BLTP1: variants seen among roughly 807,000 people sequenced by gnomAD.
BLTP1 encodes fragile site-associated protein.
chr4:122,329,666 A>T, the BLTP1 span, among the ~76,000 whole-genome samples: 1 of 151,626 alleles, frequency 6.6e-6, no homozygotes, highest in African/African-American at 2.4e-5. Flanking sequence ...TTTTATTGAG[A>T]TATAATTTAC....
the BLTP1 span, chr4:122,164,501 A>G: frequency 1.3e-6 from 1 of 788,426 alleles, no homozygotes; most frequent in Non-Finnish European, 1.5e-6. Context: ...CACAGAAGTG[A>G]GACTGTGTTC....
At chr4:122,275,383 A>G in the BLTP1 span, among the ~76,000 whole-genome samples, 1 of 152,120 alleles carries the variant, frequency 6.6e-6, no homozygotes, top group Admixed American at 6.5e-5. Context: ...CAGTAAGAAG[A>G]GATGCCTGAA....
At chr4:122,220,861 A>T in the BLTP1 span, among the ~76,000 whole-genome samples, 1 of 152,192 alleles carries the variant, frequency 6.6e-6, no homozygotes, top group Non-Finnish European at 1.5e-5. Context: ...GTGTATCTAC[A>T]TGATCAATGA....
At chr4:122,352,060 G>T in the BLTP1 span, among the ~76,000 whole-genome samples, 1 of 152,080 alleles carries the variant, frequency 6.6e-6, no homozygotes, top group Non-Finnish European at 1.5e-5. Flanking sequence ...CTTAAGAGTC[G>T]GCATTTCTCA....
the BLTP1 span, chr4:122,200,389 C>T: frequency 1.2e-4 from 74 of 605,812 alleles, no homozygotes; most frequent in Non-Finnish European, 1.5e-4. Flanking sequence ...ACCAGCCTGA[C>T]CAATATGGTG....
chr4:122,315,534 C>G, the BLTP1 span: 1 of 1,614,092 alleles, frequency 6.2e-7, no homozygotes, highest in East Asian at 2.2e-5. Flanking sequence ...CACATGGATC[C>G]TAACATTGGC....
chr4:122,216,140 T>TATC, the BLTP1 span, among the ~76,000 whole-genome samples: 2 of 149,466 alleles, frequency 1.3e-5, no homozygotes, highest in East Asian at 3.9e-4. Context: ...TCTATCTATC[T>TATC]ATCTACCACA....
At chr4:122,299,701 C>G in the BLTP1 span, 1 of 628,902 alleles carries the variant, frequency 1.6e-6, no homozygotes, top group Non-Finnish European at 2.0e-6. Context: ...TAGTTGATAG[C>G]TGGGTTGGGG....
chr4:122,159,336 G>A, the BLTP1 span, among the ~76,000 whole-genome samples: 14 of 151,690 alleles, frequency 9.2e-5, no homozygotes, highest in Non-Finnish European at 1.6e-4. Flanking sequence ...GGTGGCAGGC[G>A]CCTGTGGTCC....
At chr4:122,254,086 T>C in the BLTP1 span, 3 of 1,006,966 alleles carry the variant, frequency 3.0e-6, no homozygotes, top group Admixed American at 7.1e-5. Context: ...GTAAAGACTT[T>C]CCCAGACTTG....
At chr4:122,328,106 T>G in the BLTP1 span, 1 of 1,563,528 alleles carries the variant, frequency 6.4e-7, no homozygotes, top group Non-Finnish European at 8.7e-7. Flanking sequence ...ACAATCAGTT[T>G]CCAGAGGAGA....
At chr4:122,213,690 AT>A in the BLTP1 span, among the ~76,000 whole-genome samples, 1 of 152,178 alleles carries the variant, frequency 6.6e-6, no homozygotes, top group African/African-American at 2.4e-5. Context: ...CATTAAAAAA[AT>A]TCTAAGAAGA....
the BLTP1 span, chr4:122,153,004 C>T: frequency 2.0e-6 from 2 of 985,252 alleles, no homozygotes; most frequent in African/African-American, 1.7e-5. Flanking sequence ...CTTGGAACAA[C>T]CCCCGCTTTC....
the BLTP1 span, chr4:122,200,552 T>A: frequency 1.0e-6 from 1 of 960,742 alleles, no homozygotes. Context: ...GCACTCCAGC[T>A]TGGGCAATAG....
At chr4:122,183,147 A>G in the BLTP1 span, 1 of 492,032 alleles carries the variant, frequency 2.0e-6, no homozygotes, top group South Asian at 8.8e-5. Flanking sequence ...ACCAACCTGG[A>G]TAACATAGTG....
At chr4:122,336,633 T>C in the BLTP1 span, 1 of 979,324 alleles carries the variant, frequency 1.0e-6, no homozygotes, top group Non-Finnish European at 1.2e-6. Context: ...GACTGGAATC[T>C]CTTTGAGGGC....
At chr4:122,288,964 A>G in the BLTP1 span, 2 of 1,138,864 alleles carry the variant, frequency 1.8e-6, no homozygotes, top group Non-Finnish European at 1.2e-6. Flanking sequence ...TTTCTTCAAT[A>G]TATTGATTTC....
At chr4:122,227,037 TAAAAA>T in the BLTP1 span, 1 of 554,300 alleles carries the variant, frequency 1.8e-6, no homozygotes, top group South Asian at 5.7e-5. Flanking sequence ...ACATACAAAT[TAAAAA>T]AGAAACAGAA....
At chr4:122,275,997 A>T in the BLTP1 span, 2 of 1,580,498 alleles carry the variant, frequency 1.3e-6, no homozygotes, top group Non-Finnish European at 1.7e-6. Flanking sequence ...TACATCTCCT[A>T]CAAGTACAGC....
Sources: gnomAD v4.1 joint callset for allele counts (sites outside exome capture counted in the v4.1 genomes callset) on GRCh38, gnomAD v4.1.1 for gene constraint, MANE v1.5 for transcripts, NCBI Gene and HGNC (gene_info 2026-07-23, HGNC 2026-07-21) for gene names.